AOPEP: variants seen among roughly 807,000 people sequenced by gnomAD.
The protein encoded by AOPEP is aminopeptidase O.
Under a neutral mutation model 98.1 loss-of-function variants are expected in AOPEP, and 77 were observed. That is an observed-to-expected ratio of 0.78 (90% CI 0.65 to 0.95). The LOEUF is 0.95. Ranked by LOEUF, AOPEP falls within the 40% of genes least tolerant of loss-of-function variation. The pLI, the probability that AOPEP is intolerant of heterozygous loss-of-function variation, is 0.00. For missense variants in AOPEP, 1,024 were observed against 1,024.7 expected (o/e 1.00, Z 0.01); for synonymous variants, 346 against 365.3 (o/e 0.95, Z 0.60).
chr9:94,740,773 C>T (rs956832808), intron 1 of AOPEP, among the ~76,000 whole-genome samples: 1 of 152,186 alleles, frequency 6.6e-6, no homozygotes, highest in Non-Finnish European at 1.5e-5. Flanking sequence ...TATCCGGCTT[C>T]ATCAGTTACA....
At chr9:94,997,703 G>GT (rs1004413827) in intron 11 of AOPEP, among the ~76,000 whole-genome samples, 42 of 151,824 alleles carry the variant, frequency 2.8e-4, no homozygotes, top group African/African-American at 7.7e-4. Flanking sequence ...GTGAAATTTT[G>GT]TTTTTTTTGA....
At chr9:95,148,189 G>A in the AOPEP span, among the ~76,000 whole-genome samples, 1 of 152,132 alleles carries the variant, frequency 6.6e-6, no homozygotes, top group Non-Finnish European at 1.5e-5. Flanking sequence ...TTAAACTGTT[G>A]CCCTCAAGGA....
intron 5 of AOPEP, among the ~76,000 whole-genome samples, chr9:94,882,357 T>G (rs1315417552): frequency 6.6e-6 from 1 of 152,264 alleles, no homozygotes; most frequent in Non-Finnish European, 1.5e-5. Flanking sequence ...AGGCAATTTT[T>G]AATTTGTTTA....
chr9:94,849,647 C>T (rs1167667905), intron 5 of AOPEP, among the ~76,000 whole-genome samples: 1 of 151,958 alleles, frequency 6.6e-6, no homozygotes, highest in African/African-American at 2.4e-5. Context: ...GAAACTGTCC[C>T]ACTTCGAATC....
chr9:94,916,280 G>A lies in AOPEP; in HGVS notation c.1365-7706G>A, dbSNP rs139055594. ...AGGTGAGGGAGTGGAATCACATTTT[G>A]TCATCTGCGTGCTCCAATGAGGCTG... On this transcript the variant is annotated intron_variant, in intron 5 of 16. Transcript: ENST00000375315. Among the ~76,000 whole-genome samples the A allele has an allele frequency of 1.6e-3, 250 of 152,278 alleles. 1 individual carries two copies. The highest frequency in any genetic ancestry group is 5.4e-3 in the African/African-American group (224 of 41,558).
At chr9:94,975,523 A>G (rs1340916844) in intron 10 of AOPEP, among the ~76,000 whole-genome samples, 1 of 152,182 alleles carries the variant, frequency 6.6e-6, no homozygotes, top group African/African-American at 2.4e-5. Flanking sequence ...GCACAGGCAA[A>G]TTGTATGCAG....
intron 7 of AOPEP, chr9:94,928,734 G>C (rs2054782990): frequency 1.9e-6 from 1 of 516,414 alleles, no homozygotes; most frequent in Non-Finnish European, 3.4e-6. Context: ...CCTGGTGACT[G>C]TTTAGGAAAA....
intron 5 of AOPEP, among the ~76,000 whole-genome samples, chr9:94,876,246 A>G (rs1243994465): frequency 6.6e-6 from 1 of 152,212 alleles, no homozygotes; most frequent in Admixed American, 6.5e-5. Context: ...AGACATACCT[A>G]GAATATATTT....
At chr9:94,974,805 C>T (rs892226653) in intron 10 of AOPEP, among the ~76,000 whole-genome samples, 2 of 152,154 alleles carry the variant, frequency 1.3e-5, no homozygotes, top group Admixed American at 6.5e-5. Context: ...GAGTTTAGCA[C>T]GGAAAGAAAA....
At chr9:94,896,601 C>G (rs2049598182) in intron 5 of AOPEP, among the ~76,000 whole-genome samples, 1 of 152,188 alleles carries the variant, frequency 6.6e-6, no homozygotes, top group Non-Finnish European at 1.5e-5. Context: ...CTTTATATCT[C>G]TATTCTTTTT....
At position 95,060,765 on chromosome 9, in the gene AOPEP, G is replaced by C; in HGVS notation, c.2187G>C (p.Leu729=). 6.2e-7 allele frequency: 1 copy of C among 1,614,034 alleles called. No individual in the cohort carries two copies. Among genetic ancestry groups the C allele is most frequent in the African/African-American group, 1.3e-5 (1 of 75,034 alleles). Residue 729 remains leucine (L), a synonymous_variant, in exon 14 of 17, where the codon CTG becomes CTC. Transcript: ENST00000375315. ...AGAAGACTCTGAGCCCCCGAACTCTGCAAAGCCTCCAGAGGACATACCACC... is the reference window on the plus strand; with the variant it reads ...AGAAGACTCTGAGCCCCCGAACTCTCCAAAGCCTCCAGAGGACATACCACC... ...LEQKTLSPRT[L]QSLQRTYHLQ...
chr9:95,071,030 G>A (rs1419885277), intron 14 of AOPEP, among the ~76,000 whole-genome samples: 1 of 152,214 alleles, frequency 6.6e-6, no homozygotes, highest in Admixed American at 6.5e-5. Context: ...ACAGTGAGCT[G>A]TAGTATATTA....
intron 7 of AOPEP, among the ~76,000 whole-genome samples, chr9:94,935,675 G>C (rs536148234): frequency 6.6e-6 from 1 of 152,170 alleles, no homozygotes; most frequent in Non-Finnish European, 1.5e-5. Context: ...ACGAAGAGTC[G>C]CAGAGAGCAT....
At chr9:94,852,801 A>G (rs982184932) in intron 5 of AOPEP, among the ~76,000 whole-genome samples, 2 of 152,240 alleles carry the variant, frequency 1.3e-5, no homozygotes, top group African/African-American at 4.8e-5. Context: ...GATTATATAT[A>G]TGCCAAAAAG....
chr9:94,826,902 G>A (rs1564204889), intron 5 of AOPEP, among the ~76,000 whole-genome samples: 2 of 152,132 alleles, frequency 1.3e-5, no homozygotes, highest in Admixed American at 6.5e-5. Context: ...TGCCTGAGCT[G>A]TTTGCACAAG....
the AOPEP span, among the ~76,000 whole-genome samples, chr9:95,108,458 C>CGACT: frequency 6.6e-6 from 1 of 152,314 alleles, no homozygotes; most frequent in South Asian, 2.1e-4. Context: ...GACCCACAAC[C>CGACT]GACTTTCTGC....
intron 13 of AOPEP, among the ~76,000 whole-genome samples, chr9:95,034,259 T>C (rs2064577791): frequency 6.6e-6 from 1 of 152,236 alleles, no homozygotes; most frequent in South Asian, 2.1e-4. Flanking sequence ...TGTACTTTTA[T>C]ATAGTAATTT....
chr9:94,977,344 CT>C (rs1252490245), intron 10 of AOPEP, among the ~76,000 whole-genome samples: 1 of 152,040 alleles, frequency 6.6e-6, no homozygotes, highest in Non-Finnish European at 1.5e-5. Context: ...GCTTTCAGAG[CT>C]TGTGGAGGCT....
intron 13 of AOPEP, among the ~76,000 whole-genome samples, chr9:95,011,240 G>A (rs1053651481): frequency 3.3e-5 from 4 of 122,194 alleles, no homozygotes; most frequent in African/African-American, 6.5e-5. Context: ...TTTTTGATAC[G>A]AAGTCTCACT....
Sources: gnomAD v4.1 joint callset for allele counts (sites outside exome capture counted in the v4.1 genomes callset) on GRCh38, gnomAD v4.1.1 for gene constraint, MANE v1.5 for transcripts, NCBI Gene and HGNC (gene_info 2026-07-23, HGNC 2026-07-21) for gene names.